AFF2: variants seen among roughly 807,000 people sequenced by gnomAD.
AFF2 encodes ALF transcription elongation factor 2.
AFF2 carries 14 observed loss-of-function variants against 76.9 expected under a neutral mutation model. The ratio of observed to expected loss-of-function variants is 0.18; its 90% confidence interval spans 0.12 to 0.28. The LOEUF (loss-of-function observed/expected upper bound fraction) is 0.28, where lower values mean the gene tolerates loss of function less well. AFF2 is among the 10% of genes least tolerant of loss of function. The pLI, the probability that AFF2 is intolerant of heterozygous loss-of-function variation, is 1.00. For synonymous variants in AFF2, 398 were observed against 366.7 expected (o/e 1.09, Z -0.98); for missense variants, 868 against 1,001.1 (o/e 0.87, Z 1.79).
At chrX:148,776,779 C>A (rs2069672490) in intron 3 of AFF2, among the ~76,000 whole-genome samples, 1 of 111,350 alleles carries the variant, frequency 9.0e-6, no homozygotes, top group South Asian at 3.8e-4. Context: ...GGATAGATTG[C>A]AAAATATTTC....
At chrX:148,920,772 G>A (rs960056710) in intron 9 of AFF2, among the ~76,000 whole-genome samples, 4 of 110,981 alleles carry the variant, frequency 3.6e-5, no homozygotes, top group Non-Finnish European at 7.6e-5. Flanking sequence ...ATAGTTTATT[G>A]TTGTGTTTCC....
chrX:148,811,843 A>G (rs2070206527), intron 4 of AFF2, among the ~76,000 whole-genome samples: 1 of 112,327 alleles, frequency 8.9e-6, no homozygotes, highest in Admixed American at 9.4e-5. Context: ...TACACATGGA[A>G]AGAAAAGAAG....
chrX:148,889,367 A>G (rs1374975378), intron 8 of AFF2, among the ~76,000 whole-genome samples: 2 of 111,544 alleles, frequency 1.8e-5, no homozygotes, highest in Non-Finnish European at 3.8e-5. Context: ...GTATGTTTAA[A>G]TGCTAAATAT....
chrX:148,694,564 A>G (rs1192275532), intron 3 of AFF2, among the ~76,000 whole-genome samples: 1 of 111,573 alleles, frequency 9.0e-6, no homozygotes, highest in Non-Finnish European at 1.9e-5. Flanking sequence ...CAGTCTTAAA[A>G]GAAAACATTG....
intron 3 of AFF2, among the ~76,000 whole-genome samples, chrX:148,769,159 G>T (rs1179687427): frequency 1.8e-5 from 2 of 111,393 alleles, no homozygotes; most frequent in Non-Finnish European, 3.8e-5. Context: ...AAACTTGGTA[G>T]ATGAAAAATG....
rs782227462 is a variant in AFF2 at position 148,662,673 on chromosome X, G to T, written c.946G>T (p.Gly316Trp). The T allele has an allele frequency of 3.3e-6, 4 of 1,210,444 alleles. No individual in the cohort carries two copies. The highest frequency in any genetic ancestry group is 4.5e-6 in the Non-Finnish European group (4 of 895,315). Reference sequence around the variant, plus strand: ...TTCAATTGAATTTGAGAACAGCTTTGGGAATCTGTCATTTGGAACACTCTT... The same window carrying T: ...TTCAATTGAATTTGAGAACAGCTTTTGGAATCTGTCATTTGGAACACTCTT... ...KPSIEFENSF[G>W]NLSFGTLLDG... Residue 316 changes from glycine to tryptophan, a missense_variant, in exon 3 of 21, where the codon GGG (glycine) becomes TGG (tryptophan). Gly to Trp is a radical substitution (Grantham distance 184, BLOSUM62 -2). Transcript: ENST00000370460.
intron 1 of AFF2, among the ~76,000 whole-genome samples, chrX:148,577,315 A>C (rs1305746056): frequency 1.8e-5 from 2 of 112,569 alleles, no homozygotes; most frequent in Non-Finnish European, 3.8e-5. Context: ...ACACGTGCGC[A>C]CAAGTCAACC....
intron 3 of AFF2, among the ~76,000 whole-genome samples, chrX:148,748,407 G>A (rs982463659): frequency 8.9e-6 from 1 of 112,127 alleles, no homozygotes; most frequent in African/African-American, 3.2e-5. Flanking sequence ...CAGACAGCGT[G>A]CAGCCATGAG....
intron 4 of AFF2, among the ~76,000 whole-genome samples, chrX:148,828,068 C>T (rs781893150): frequency 5.4e-5 from 6 of 110,615 alleles, no homozygotes; most frequent in Non-Finnish European, 9.5e-5. Flanking sequence ...GAAAGCCTCG[C>T]GAATTATCTC....
chrX:148,872,807 A>C (rs1460787607), intron 7 of AFF2, among the ~76,000 whole-genome samples: 1 of 111,797 alleles, frequency 8.9e-6, no homozygotes, highest in Non-Finnish European at 1.9e-5. Flanking sequence ...AAAGGAAGCA[A>C]GGTCTCTTGG....
intron 5 of AFF2, among the ~76,000 whole-genome samples, chrX:148,841,836 T>A (rs1434062027): frequency 8.9e-6 from 1 of 111,923 alleles, no homozygotes; most frequent in Non-Finnish European, 1.9e-5. Context: ...ATATGGGCTT[T>A]GTGACAGACA....
intron 1 of AFF2, among the ~76,000 whole-genome samples, chrX:148,581,315 CGTGTACACACATATAT>C (rs2053387265): frequency 5.2e-5 from 3 of 58,226 alleles, no homozygotes; most frequent in African/African-American, 1.9e-4. Context: ...TATACGTATA[CGTGTACACACATATAT>C]ACGTATACGT....
At chrX:148,987,635 T>A in intron 20 of AFF2, 78 bp downstream of exon 20, 1 of 889,162 alleles carries the variant, frequency 1.1e-6, no homozygotes, top group Non-Finnish European at 1.6e-6. Flanking sequence ...TGAGTTGTAC[T>A]TGGTGGCCTT....
Position 148,998,515 on chromosome X carries a change from C to T in AFF2, c.*7183C>T, listed in dbSNP as rs782597348. 8.9e-6 allele frequency: 1 copy of T among 112,131 alleles called. No individual in the cohort carries two copies. The highest frequency in any genetic ancestry group is 2.8e-4 in the East Asian group (1 of 3,584). 9.2% of individuals were successfully genotyped at this position (112,131 alleles called of 1,213,427 possible). A position where few individuals can be genotyped will look rare whatever the true frequency, so the allele number is the denominator to read the frequency against. On this transcript the variant is annotated 3_prime_UTR_variant, in exon 21 of 21. Coordinates refer to ENST00000370460, the MANE Select transcript of AFF2 (RefSeq NM_002025.4). The stretch of plus-strand genomic sequence containing the variant: ...AGTATAAATATTAGTCTGTTGAATT[C>T]ATTTGTCCAATTGTATAACTTTGTG...
At chrX:148,859,761 C>G (rs2070826195) in intron 7 of AFF2, among the ~76,000 whole-genome samples, 1 of 110,967 alleles carries the variant, frequency 9.0e-6, no homozygotes, top group Admixed American at 9.6e-5. Flanking sequence ...ATCTGACATG[C>G]CAAGCAGTAT....
chrX:148,856,566 C>T (rs2070788113), intron 7 of AFF2, among the ~76,000 whole-genome samples: 2 of 111,311 alleles, frequency 1.8e-5, no homozygotes, highest in South Asian at 3.8e-4. Flanking sequence ...ATGGCACCAC[C>T]TCCTCAGAGG....
chrX:148,965,130 C>T (rs989689160), intron 13 of AFF2, among the ~76,000 whole-genome samples: 2 of 111,594 alleles, frequency 1.8e-5, no homozygotes, highest in African/African-American at 6.5e-5. Flanking sequence ...AGCTAGCAGA[C>T]AGCAGATTGA....
intron 3 of AFF2, 129 bp downstream of exon 3, chrX:148,662,897 G>T: frequency 1.4e-6 from 1 of 711,977 alleles, no homozygotes; most frequent in Non-Finnish European, 2.0e-6. Flanking sequence ...TTCAAGTTCA[G>T]GGTCTGAATT....
chrX:148,661,556 A>T (rs782053301), intron 2 of AFF2, among the ~76,000 whole-genome samples: 2 of 112,336 alleles, frequency 1.8e-5, no homozygotes, highest in South Asian at 7.4e-4. Flanking sequence ...GAAGTTGTTA[A>T]TCACAATGTA....
Sources: gnomAD v4.1 joint callset for allele counts (sites outside exome capture counted in the v4.1 genomes callset) on GRCh38, gnomAD v4.1.1 for gene constraint, MANE v1.5 for transcripts, NCBI Gene and HGNC (gene_info 2026-07-23, HGNC 2026-07-21) for gene names.